The following EIF2S1 variants were observed in gnomAD, a reference collection of about 807,000 sequenced individuals.
EIF2S1 encodes eukaryotic translation initiation factor 2 subunit 1.
Under a neutral mutation model 33.5 loss-of-function variants are expected in EIF2S1, and 5 were observed. That is an observed-to-expected ratio of 0.15 (90% CI 0.08 to 0.31). The LOEUF is 0.31. Among genes scored for constraint, EIF2S1 ranks in the 10% least tolerant of loss-of-function variants. The probability of loss-of-function intolerance (pLI) is 1.00; values close to 1 mark genes in which losing one functional copy is unlikely to be tolerated. For missense variants in EIF2S1, 191 were observed against 384.6 expected (o/e 0.50, Z 4.21); for synonymous variants, 99 against 127.5 (o/e 0.78, Z 1.51).
At chr14:67,383,267 G>GT in intron 7 of EIF2S1, 48 bp from the exon 8 acceptor site, 1 of 1,589,084 alleles carries the variant, frequency 6.3e-7, no homozygotes, top group Non-Finnish European at 8.6e-7. Flanking sequence ...AATTAAATTT[G>GT]TATAGTATTT....
At chr14:67,366,472 T>G (rs2085779858) in intron 2 of EIF2S1, among the ~76,000 whole-genome samples, 1 of 152,204 alleles carries the variant, frequency 6.6e-6, no homozygotes, top group South Asian at 2.1e-4. Flanking sequence ...TTACGTACAG[T>G]AGATACATGT....
At chr14:67,364,210 A>T (rs1055863104) in intron 1 of EIF2S1, 4 of 152,156 alleles carry the variant, frequency 2.6e-5, no homozygotes, top group Non-Finnish European at 5.9e-5. Context: ...TTATTTTGTG[A>T]TTAAAATTTT....
intron 2 of EIF2S1, among the ~76,000 whole-genome samples, chr14:67,372,764 G>T (rs959915650): frequency 6.6e-6 from 1 of 151,518 alleles, no homozygotes; most frequent in African/African-American, 2.4e-5. Flanking sequence ...GGAGGCAGAG[G>T]TTGCAGTGAG....
At position 67,383,474 on chromosome 14, in the gene EIF2S1, C is replaced by T. The variant is rs1222691811; in HGVS notation, c.*34C>T. On this transcript the variant is annotated 3_prime_UTR_variant, in exon 8 of 8. Transcript: ENST00000256383. ...GAAACAGAGTCCAATTTAAGGAACA[C>T]AGAGCAGCGCTTCCTGGCTGTAAAT... The T allele has an allele frequency of 1.2e-6, 2 of 1,609,178 alleles. No homozygotes were observed. The highest frequency in any genetic ancestry group is 2.7e-5 in the African/African-American group (2 of 74,810).
chr14:67,378,469 T>G (rs2085869574), intron 4 of EIF2S1, among the ~76,000 whole-genome samples: 1 of 152,132 alleles, frequency 6.6e-6, no homozygotes, highest in African/African-American at 2.4e-5. Context: ...AAGCTGAGAT[T>G]AAATAATTTG....
intron 1 of EIF2S1, among the ~76,000 whole-genome samples, chr14:67,363,789 T>C (rs1189536274): frequency 6.6e-6 from 1 of 152,206 alleles, no homozygotes; most frequent in East Asian, 1.9e-4. Flanking sequence ...AGTTATTATA[T>C]GAATTTTCAC....
intron 4 of EIF2S1, 37 bp downstream of exon 4, chr14:67,376,627 AT>A: frequency 6.3e-7 from 1 of 1,597,652 alleles, no homozygotes. Context: ...CTACCTTGAT[AT>A]CACAACTCTT....
chr14:67,379,651 TTTC>T lies in EIF2S1; in HGVS notation c.474-1005_474-1003del, dbSNP rs1447870128. ...CATGACATAACTTTCTTTTTTTCTT[TTTC>T]TTTTTTTTTTTTTTTTTTGAGACGG... On this transcript the variant is annotated intron_variant, in intron 4 of 7. Coordinates refer to ENST00000256383, the MANE Select transcript of EIF2S1 (RefSeq NM_004094.5). Among the ~76,000 whole-genome samples, 282 of 138,680 alleles carry T rather than the reference TTTC, an allele frequency of 2.0e-3. 2 individuals carry two copies. Among genetic ancestry groups the T allele is most frequent in the African/African-American group, 8.0e-3 (266 of 33,084 alleles). 91.0% of individuals were successfully genotyped at this position (138,680 alleles called of 152,430 possible).
intron 1 of EIF2S1, 42 bp from the exon 2 acceptor site, chr14:67,364,722 TCAC>T: frequency 3.3e-6 from 5 of 1,534,228 alleles, no homozygotes; most frequent in Non-Finnish European, 3.5e-6. Flanking sequence ...TTTTTTATTT[TCAC>T]CTTAACTGAA....
At chr14:67,381,938 A>G (rs2085889750) in intron 6 of EIF2S1, among the ~76,000 whole-genome samples, 2 of 152,156 alleles carry the variant, frequency 1.3e-5, no homozygotes, top group African/African-American at 2.4e-5. Flanking sequence ...AGCGATGCCA[A>G]ACCTCCTTTA....
At position 67,385,658 on chromosome 14, in the gene EIF2S1, C is replaced by CTTTTTTT. The variant is rs780069831; in HGVS notation, c.*2231_*2237dup. ...ATATGAATATTCAAACCACTTTTTT[C>CTTTTTTT]TTTTTTTTTTTTTTTTTTTGGCAAA... On this transcript the variant is annotated 3_prime_UTR_variant, in exon 8 of 8. Transcript: ENST00000256383. 7.4e-5 allele frequency: 8 copies of CTTTTTTT among 107,624 alleles called. No homozygotes were observed. The highest frequency in any genetic ancestry group is 7.5e-5 in the Non-Finnish European group (4 of 53,518). 6.7% of individuals were successfully genotyped at this position (107,624 alleles called of 1,614,324 possible).
chr14:67,386,040 AC>A lies in EIF2S1; in HGVS notation c.*2602del, dbSNP rs1316963402. On this transcript the variant is annotated 3_prime_UTR_variant, in exon 8 of 8. Coordinates refer to ENST00000256383, the MANE Select transcript of EIF2S1 (RefSeq NM_004094.5). Reference sequence around the variant, plus strand: ...CAAGGTAATGGTCATCTACTTTGCAACCTATGGAGATCCTGATAGCTCCCAT... The same window carrying A: ...CAAGGTAATGGTCATCTACTTTGCAACTATGGAGATCCTGATAGCTCCCAT... The A allele has an allele frequency of 1.3e-5, 2 of 152,238 alleles. No individual in the cohort carries two copies. Among genetic ancestry groups the A allele is most frequent in the Non-Finnish European group, 2.9e-5 (2 of 68,028 alleles). The allele number at this position is 152,238 out of a possible 1,614,324, so 9.4% of individuals were successfully genotyped here.
chr14:67,360,977 A>C (rs1465302555), intron 1 of EIF2S1, among the ~76,000 whole-genome samples: 1 of 152,174 alleles, frequency 6.6e-6, no homozygotes, highest in African/African-American at 2.4e-5. Context: ...GTAGTTTTTC[A>C]TCTGATAATT....
Position 67,385,822 on chromosome 14 carries a change from T to C in EIF2S1, c.*2382T>C, listed in dbSNP as rs2085919843. 1 of 152,064 alleles carries C rather than the reference T, an allele frequency of 6.6e-6. No individual in the cohort carries two copies. The highest frequency in any genetic ancestry group is 1.5e-5 in the Non-Finnish European group (1 of 68,034). The allele number at this position is 152,064 out of a possible 1,614,324, so 9.4% of individuals were successfully genotyped here. ...GTTATAGCAAAACAAGACAAACCAG[T>C]TCTTAATAATGTTCAAAGTTGGACC... On this transcript the variant is annotated 3_prime_UTR_variant, in exon 8 of 8. Coordinates refer to ENST00000256383, the MANE Select transcript of EIF2S1 (RefSeq NM_004094.5).
chr14:67,364,537 AG>A, intron 1 of EIF2S1: 1 of 423,872 alleles, frequency 2.4e-6, no homozygotes, highest in East Asian at 4.4e-5. Context: ...CTAAAGGCAG[AG>A]AATCACCCAA....
intron 6 of EIF2S1, 97 bp from the exon 7 acceptor site, chr14:67,382,350 A>G: frequency 8.6e-7 from 1 of 1,166,222 alleles, no homozygotes; most frequent in Non-Finnish European, 1.2e-6. Context: ...TTTTGGGGTG[A>G]TTTGTTAATA....
chr14:67,382,646 C>A (rs1253685150), intron 7 of EIF2S1, 56 bp downstream of exon 7: 1 of 1,592,816 alleles, frequency 6.3e-7, no homozygotes, highest in East Asian at 2.2e-5. Flanking sequence ...AAAAGGAGTT[C>A]TTGTAGGTAA....
chr14:67,380,969 T>C (rs115007986), intron 5 of EIF2S1, among the ~76,000 whole-genome samples: 1,627 of 152,292 alleles, frequency 0.011, 25 homozygotes, highest in African/African-American at 0.036. Flanking sequence ...AACAGTCTTG[T>C]GAGTTCAGCT....
intron 3 of EIF2S1, 98 bp downstream of exon 3, chr14:67,374,645 T>A (rs1322329353): frequency 1.2e-5 from 9 of 726,110 alleles, no homozygotes; most frequent in Non-Finnish European, 1.7e-5. Flanking sequence ...AAGTATTGCT[T>A]ATGATCTAAT....
Sources: allele counts gnomAD v4.1 joint callset (sites outside exome capture counted in the v4.1 genomes callset), GRCh38; gene constraint gnomAD v4.1.1; transcripts MANE v1.5; gene names NCBI Gene and HGNC (gene_info 2026-07-23, HGNC 2026-07-21).